TENM2: variants seen among roughly 807,000 people sequenced by gnomAD.
TENM2 encodes the protein teneurin-2.
A neutral mutation model predicts 245.2 loss-of-function variants in TENM2; 52 were observed. That is an observed-to-expected ratio of 0.21 (90% CI 0.17 to 0.27). The LOEUF (loss-of-function observed/expected upper bound fraction) is 0.27. Among genes scored for constraint, TENM2 ranks in the 10% least tolerant of loss-of-function variants. TENM2 has a pLI of 1.00. For synonymous variants in TENM2, 1,363 were observed against 1,438.9 expected (o/e 0.95, Z 1.19); for missense variants, 3,046 against 3,666.8 (o/e 0.83, Z 4.37).
At chr5:167,093,667 A>G in the TENM2 span, among the ~76,000 whole-genome samples, 1 of 152,216 alleles carries the variant, frequency 6.6e-6, no homozygotes, top group Non-Finnish European at 1.5e-5. Context: ...AGAATAGCCA[A>G]CTGCACAAGT....
intron 2 of TENM2, among the ~76,000 whole-genome samples, chr5:167,474,972 C>G (rs943662369): frequency 6.6e-6 from 1 of 152,058 alleles, no homozygotes; most frequent in African/African-American, 2.4e-5. Context: ...AGTTTGCAAA[C>G]CTAGTATATT....
chr5:167,430,723 A>AT (rs1561948992), intron 2 of TENM2, among the ~76,000 whole-genome samples: 1 of 152,090 alleles, frequency 6.6e-6, no homozygotes, highest in Non-Finnish European at 1.5e-5. Context: ...AAAAATGGAC[A>AT]TTTTTCCCAT....
At chr5:168,232,168 G>C (rs762176179) in intron 25 of TENM2, 6 of 152,360 alleles carry the variant, frequency 3.9e-5, no homozygotes, top group Non-Finnish European at 7.3e-5. Context: ...AGTAAGGAGG[G>C]TGCTGCATTA....
At chr5:167,280,740 G>C (rs963407978), upstream of TENM2, among the ~76,000 whole-genome samples, 1 of 135,606 alleles carries the variant, frequency 7.4e-6, no homozygotes, top group Non-Finnish European at 1.6e-5. Flanking sequence ...ATATCTATCT[G>C]TCTGTCTATC....
At chr5:167,794,280 A>T (rs955375267) in intron 2 of TENM2, among the ~76,000 whole-genome samples, 1 of 152,170 alleles carries the variant, frequency 6.6e-6, no homozygotes, top group Non-Finnish European at 1.5e-5. Flanking sequence ...TACTTTGGGC[A>T]TGACAAATTA....
At chr5:167,027,829 A>G in the TENM2 span, among the ~76,000 whole-genome samples, 4 of 152,090 alleles carry the variant, frequency 2.6e-5, no homozygotes, top group East Asian at 5.8e-4. Flanking sequence ...CTGTAACCCC[A>G]ATATTTTGGG....
intron 3 of TENM2, among the ~76,000 whole-genome samples, chr5:167,910,730 T>C (rs1776480139): frequency 6.6e-6 from 1 of 152,254 alleles, no homozygotes; most frequent in South Asian, 2.1e-4. Context: ...TTGCGTTCTT[T>C]GTCTTGAATA....
chr5:167,992,255 C>G (rs1783721257), intron 4 of TENM2, among the ~76,000 whole-genome samples: 1 of 150,432 alleles, frequency 6.6e-6, no homozygotes, highest in East Asian at 2.0e-4. Context: ...CCTGTACCCC[C>G]AAAACTATTG....
At chr5:168,209,125 T>A (rs1762597626) in intron 19 of TENM2, among the ~76,000 whole-genome samples, 3 of 152,228 alleles carry the variant, frequency 2.0e-5, no homozygotes, top group Admixed American at 2.0e-4. Context: ...TCAAAATTAG[T>A]TTCATATTAT....
Position 167,708,519 on chromosome 5 carries a change from G to T in TENM2, c.503-167467G>T, listed in dbSNP as rs568492289. On this transcript the variant is annotated intron_variant, in intron 2 of 28. Transcript: ENST00000518659. ...TCTAGCCAATGAGATATGTAGAAAT[G>T]GCATTCCTCACTTGCAGACATGGAA... Among the ~76,000 whole-genome samples, 3 of 152,236 alleles carry T rather than the reference G, an allele frequency of 2.0e-5. No homozygotes were observed. The South Asian group carries it at 6.2e-4, about 32-fold the overall frequency.
chr5:167,724,833 C>T (rs578159343), intron 2 of TENM2, among the ~76,000 whole-genome samples: 15 of 152,216 alleles, frequency 9.9e-5, no homozygotes, highest in Admixed American at 1.3e-4. Flanking sequence ...GGAAGACTGT[C>T]GAGCCCGCAG....
chr5:167,196,175 C>G, the TENM2 span, among the ~76,000 whole-genome samples: 6 of 151,874 alleles, frequency 4.0e-5, no homozygotes, highest in Non-Finnish European at 8.8e-5. Flanking sequence ...ATAGTATAGG[C>G]AATTGTAATA....
intron 2 of TENM2, among the ~76,000 whole-genome samples, chr5:167,501,500 A>G (rs1308151372): frequency 6.6e-6 from 1 of 152,176 alleles, no homozygotes; most frequent in Non-Finnish European, 1.5e-5. Flanking sequence ...GCAGAGATGC[A>G]TTCACAATGT....
At chr5:167,740,604 G>GTGCTACC (rs758052135) in intron 2 of TENM2, among the ~76,000 whole-genome samples, 6 of 151,934 alleles carry the variant, frequency 3.9e-5, no homozygotes, top group Non-Finnish European at 8.8e-5. Flanking sequence ...TGTATCCCGC[G>GTGCTACC]TGCTACCTGA....
chr5:168,092,942 A>T (rs1793065006), intron 8 of TENM2, among the ~76,000 whole-genome samples: 1 of 152,134 alleles, frequency 6.6e-6, no homozygotes, highest in Non-Finnish European at 1.5e-5. Context: ...TGCTTCCTCA[A>T]CCCATGGAGT....
intron 7 of TENM2, among the ~76,000 whole-genome samples, chr5:168,067,220 G>A (rs1790584349): frequency 6.6e-6 from 1 of 152,184 alleles, no homozygotes; most frequent in Non-Finnish European, 1.5e-5. Flanking sequence ...GCTCCAGCAA[G>A]TTGATTAAAA....
At chr5:168,199,257 G>A (rs1341275571) in intron 16 of TENM2, 143 bp downstream of exon 18, 2 of 906,650 alleles carry the variant, frequency 2.2e-6, no homozygotes, top group African/African-American at 3.4e-5. Context: ...ATAGCCACCA[G>A]AGATGAAAGT....
rs773944455 is a variant in TENM2 at position 168,218,514 on chromosome 5, C to T, written c.4623C>T (p.Ala1541=). The change falls in exon 23 of 29, where the codon GCC becomes GCT. Residue 1541 remains alanine, a synonymous_variant. Coordinates refer to ENST00000518659, the Ensembl canonical transcript of TENM2. This position sits in a 1 kb window ranked among gnomAD's most constrained non-coding sequence, Gnocchi z 5.2. ...GAGATGATGCCTACGCGACTGATGC[C>T]ATCTTGAATTCCCCATCATCCTTAG... 4 of 1,614,008 alleles carry T rather than the reference C, an allele frequency of 2.5e-6. No individual in the cohort carries two copies. Among genetic ancestry groups the T allele is most frequent in the Non-Finnish European group, 2.5e-6 (3 of 1,179,894 alleles).
At chr5:168,205,008 C>G (rs1388425635) in intron 19 of TENM2, among the ~76,000 whole-genome samples, 1 of 152,230 alleles carries the variant, frequency 6.6e-6, no homozygotes, top group Non-Finnish European at 1.5e-5. Flanking sequence ...GTCTCTGGAT[C>G]TTTGCACATT....
Sources: gnomAD v4.1 joint callset for allele counts (sites outside exome capture counted in the v4.1 genomes callset) on GRCh38, gnomAD v4.1.1 for gene constraint, Gnocchi (gnomAD v3.1) non-coding constraint, MANE v1.5 for transcripts, NCBI Gene and HGNC (gene_info 2026-07-23, HGNC 2026-07-21) for gene names.